Variants in ARHGEF10L observed in about 807,000 individuals in gnomAD.
The protein encoded by ARHGEF10L is Rho guanine nucleotide exchange factor 10 like.
In ARHGEF10L, 69 loss-of-function variants were observed where a neutral mutation model predicts 141.2. The ratio of observed to expected loss-of-function variants is 0.49; its 90% CI spans 0.40 to 0.60. The LOEUF is 0.60. Ranked by LOEUF, ARHGEF10L falls within the 20% of genes least tolerant of loss-of-function variation. The pLI, the probability that ARHGEF10L is intolerant of heterozygous loss-of-function variation, is 0.00. For missense variants in ARHGEF10L, 1,482 were observed against 1,734.3 expected (o/e 0.85, Z 2.58); for synonymous variants, 711 against 718.5 (o/e 0.99, Z 0.17).
intron 4 of ARHGEF10L, 44 bp downstream of exon 4, chr1:17,588,523 A>G: frequency 6.2e-7 from 1 of 1,612,564 alleles, no homozygotes; most frequent in East Asian, 2.2e-5. Context: ...GGAAACAGGG[A>G]GACACCGGGC....
At chr1:17,537,798 C>T, upstream of ARHGEF10L, among the ~76,000 whole-genome samples, 1 of 138,070 alleles carries the variant, frequency 7.2e-6, no homozygotes, top group Non-Finnish European at 1.5e-5. Context: ...GGGATGATCT[C>T]TTGAGCCCAG....
chr1:17,691,326 A>G, intron 27 of ARHGEF10L: 1 of 285,550 alleles, frequency 3.5e-6, no homozygotes, highest in Non-Finnish European at 6.7e-6. Context: ...GGAAGGCCCC[A>G]GAATGAGGTC....
chr1:17,638,765 T>A, intron 20 of ARHGEF10L, 76 bp downstream of exon 20: 1 of 1,584,394 alleles, frequency 6.3e-7, no homozygotes, highest in Non-Finnish European at 8.6e-7. Context: ...CCGGAGAGGG[T>A]ACCTGGAGCC....
Position 17,615,155 on chromosome 1 carries a change from G to T in ARHGEF10L, c.727-939G>T, listed in dbSNP as rs900827458. ...GCTCAATAGTCGCATGTGGCCCGTG[G>T]CTCCCATTTTGGACAGGGCAGATAC... On this transcript the variant is annotated intron_variant, in intron 8 of 28. Transcript: ENST00000361221. The surrounding 1 kb of genome is among the most constrained non-coding windows in gnomAD (Gnocchi z 4.7). The T allele has an allele frequency of 1.3e-5, 2 of 152,344 alleles. No homozygotes were observed. The highest frequency in any genetic ancestry group is 4.8e-5 in the African/African-American group (2 of 41,572). The allele number at this position is 152,344 out of a possible 1,614,324, so 9.4% of individuals were successfully genotyped here. A position where few individuals can be genotyped will look rare whatever the true frequency, so the allele number is the denominator to read the frequency against.
At chr1:17,647,016 T>C (rs1276099523) in intron 21 of ARHGEF10L, among the ~76,000 whole-genome samples, 2 of 151,998 alleles carry the variant, frequency 1.3e-5, no homozygotes, top group East Asian at 3.9e-4. Context: ...GACTGTAGTG[T>C]CAGGGGGCCC....
At chr1:17,661,756 G>A (rs900404405) in intron 25 of ARHGEF10L, among the ~76,000 whole-genome samples, 1 of 152,192 alleles carries the variant, frequency 6.6e-6, no homozygotes, top group South Asian at 2.1e-4. Context: ...TCTGGCCACT[G>A]GGGGGCGCTC....
chr1:17,561,382 G>A (rs576911631), intron 1 of ARHGEF10L, among the ~76,000 whole-genome samples: 4 of 152,352 alleles, frequency 2.6e-5, no homozygotes, highest in Middle Eastern at 3.4e-3. Flanking sequence ...CTGGGAGGTG[G>A]GGCCAGGCTT....
chr1:17,613,640 T>A (rs1310624995), intron 8 of ARHGEF10L, among the ~76,000 whole-genome samples: 1 of 152,252 alleles, frequency 6.6e-6, no homozygotes, highest in Non-Finnish European at 1.5e-5. Flanking sequence ...TTCCTATCTC[T>A]CCACACTATT....
chr1:17,638,703 G>T lies in ARHGEF10L; in HGVS notation c.2171+14G>T, dbSNP rs772169941. On this transcript the variant is annotated intron_variant, in intron 20 of 28. Transcript: ENST00000361221. Reference sequence around the variant, plus strand: ...GAAACCCGACAAGTGAGAGGAGGGGGTCTTGGAGGGAGGGCTGCTGCCTCT... The same window carrying T: ...GAAACCCGACAAGTGAGAGGAGGGGTTCTTGGAGGGAGGGCTGCTGCCTCT... The T allele has an allele frequency of 3.1e-6, 5 of 1,613,462 alleles. No homozygotes were observed. The highest frequency in any genetic ancestry group is 3.3e-5 in the Admixed American group (2 of 60,000).
rs1326515514 is a variant in ARHGEF10L at position 17,608,286 on chromosome 1, G to A, written c.609+309G>A. Among the ~76,000 whole-genome samples, 7 of 152,344 alleles carry A rather than the reference G, an allele frequency of 4.6e-5. No individual in the cohort carries two copies. In the South Asian group the frequency reaches 1.2e-3, roughly 27 times the overall value. On this transcript the variant is annotated intron_variant, in intron 7 of 28. Coordinates refer to ENST00000361221, the MANE Select transcript of ARHGEF10L (RefSeq NM_018125.4). Reference sequence around the variant, plus strand: ...ATTGATCCTGATGCTCACGGGCTCAGACTGGGCTTCAGAGTCCTCTCAACG... The same window carrying A: ...ATTGATCCTGATGCTCACGGGCTCAAACTGGGCTTCAGAGTCCTCTCAACG...
chr1:17,656,745 C>T lies in ARHGEF10L; in HGVS notation c.2860+37C>T. The T allele has an allele frequency of 6.3e-7, 1 of 1,587,894 alleles. No homozygotes were observed. The highest frequency in any genetic ancestry group is 1.1e-5 in the South Asian group (1 of 88,510). ...GGGGAATGGGGGAAGGGGGGCAGTC[C>T]TGGATGCCAGCTGGGTGCCAGATTC... On this transcript the variant is annotated intron_variant, in intron 25 of 28. Coordinates refer to ENST00000361221, the MANE Select transcript of ARHGEF10L (RefSeq NM_018125.4). This position sits in a 1 kb window ranked among gnomAD's most constrained non-coding sequence, Gnocchi z 4.9.
At chr1:17,632,582 G>C (rs2060762710) in intron 16 of ARHGEF10L, 116 bp downstream of exon 16, 1 of 1,364,168 alleles carries the variant, frequency 7.3e-7, no homozygotes, top group Non-Finnish European at 1.0e-6. Flanking sequence ...CTTGGTTTAG[G>C]CTTCCAATAT....
rs556202398 is a variant in ARHGEF10L, at chr1:17,695,068, C to T, written c.3185-90C>T. The T allele has an allele frequency of 2.7e-5, 43 of 1,582,024 alleles. No homozygotes were observed. In the East Asian group the frequency reaches 4.0e-4, roughly 15 times the overall value. On this transcript the variant is annotated intron_variant, in intron 27 of 28. Coordinates refer to ENST00000361221, the MANE Select transcript of ARHGEF10L (RefSeq NM_018125.4). ...TCTTGCTGGTTTCAGGGGAGGAGCC[C>T]GCTGTGCCAGGCCCTCATCTCGTGG...
intron 1 of ARHGEF10L, among the ~76,000 whole-genome samples, chr1:17,561,474 C>T (rs2077541632): frequency 6.6e-6 from 1 of 152,216 alleles, no homozygotes; most frequent in Non-Finnish European, 1.5e-5. Flanking sequence ...CCAATGAGCC[C>T]TCTGCAGTTC....
chr1:17,540,034 C>A (rs1384393156), intron 1 of ARHGEF10L, 84 bp downstream of exon 1: 4 of 151,508 alleles, frequency 2.6e-5, no homozygotes, highest in Non-Finnish European at 4.4e-5. Flanking sequence ...GCGCTCCAGG[C>A]GCCAGGGTCC....
At chr1:17,662,779 T>C (rs1246656952) in intron 25 of ARHGEF10L, among the ~76,000 whole-genome samples, 1 of 152,136 alleles carries the variant, frequency 6.6e-6, no homozygotes, top group Admixed American at 6.5e-5. Context: ...CTGGGGCCCT[T>C]CCGGCTTTGG....
At chr1:17,606,830 G>A (rs997471005) in intron 6 of ARHGEF10L, among the ~76,000 whole-genome samples, 1 of 152,134 alleles carries the variant, frequency 6.6e-6, no homozygotes, top group East Asian at 1.9e-4. Flanking sequence ...CCTGTGTTCC[G>A]GCCTCGGGAC....
At chr1:17,526,801 G>C in the ARHGEF10L span, among the ~76,000 whole-genome samples, 1 of 152,038 alleles carries the variant, frequency 6.6e-6, no homozygotes, top group Non-Finnish European at 1.5e-5. Flanking sequence ...GCTACTTAGA[G>C]GCTGAAGCAT....
the ARHGEF10L span, among the ~76,000 whole-genome samples, chr1:17,514,963 C>T: frequency 6.6e-6 from 1 of 152,174 alleles, no homozygotes; most frequent in African/African-American, 2.4e-5. Flanking sequence ...CTTGAGGGAG[C>T]GACTTGTTCC....
Sources: allele counts gnomAD v4.1 joint callset (sites outside exome capture counted in the v4.1 genomes callset), GRCh38; gene constraint gnomAD v4.1.1; non-coding constraint Gnocchi (gnomAD v3.1); transcripts MANE v1.5; gene names NCBI Gene and HGNC (gene_info 2026-07-23, HGNC 2026-07-21).